TLN2: variants seen among roughly 807,000 people sequenced by gnomAD.
TLN2 encodes the protein talin-2.
Under a neutral mutation model 294.7 loss-of-function variants are expected in TLN2, and 118 were observed. The observed-to-expected ratio is 0.40, with a 90% CI of 0.34 to 0.47. The LOEUF (loss-of-function observed/expected upper bound fraction) is 0.47. TLN2 is among the 20% of genes least tolerant of loss of function. The pLI is 0.84. For missense variants in TLN2, 3,083 were observed against 3,282.2 expected (o/e 0.94, Z 1.48); for synonymous variants, 1,431 against 1,304.5 (o/e 1.10, Z -2.09).
chr15:62,740,855 G>T (rs970232514), intron 32 of TLN2, 86 bp downstream of exon 32: 26 of 1,566,194 alleles, frequency 1.7e-5, no homozygotes, highest in Non-Finnish European at 2.3e-5. Context: ...TCCCACTTTT[G>T]CTGAGCAAAA....
At chr15:62,667,051 C>T (rs940237300) in intron 9 of TLN2, among the ~76,000 whole-genome samples, 4 of 152,096 alleles carry the variant, frequency 2.6e-5, no homozygotes, top group African/African-American at 4.8e-5. Context: ...CTGCAAGCTC[C>T]GCCTCCCGGA....
Position 62,530,943 on chromosome 15 carries a change from T to C in TLN2, c.-237-58744T>C, listed in dbSNP as rs539721441. 2.6e-5 allele frequency among the ~76,000 whole-genome samples: 4 copies of C among 152,378 alleles called. No individual in the cohort carries two copies. The South Asian group carries it at 8.3e-4, about 32-fold the overall frequency. ...TATTAGGTGGTGTTGGGGTCTATTA[T>C]TCATTTGTTAGAGCTCTTAATTAAG... On this transcript the variant is annotated intron_variant, in intron 1 of 58. Coordinates refer to ENST00000636159, the MANE Select transcript of TLN2 (RefSeq NM_015059.3).
intron 25 of TLN2, among the ~76,000 whole-genome samples, chr15:62,721,719 A>G (rs1021377326): frequency 2.0e-5 from 3 of 152,338 alleles, no homozygotes; most frequent in African/African-American, 7.2e-5. Flanking sequence ...TTATCATAGC[A>G]TTGTTTATTA....
chr15:62,832,565 G>A (rs1164314796), intron 54 of TLN2: 2 of 152,218 alleles, frequency 1.3e-5, no homozygotes, highest in Non-Finnish European at 2.9e-5. Context: ...CAAAGGAGAT[G>A]GTGGTGAATT....
chr15:62,707,826 A>G (rs989930832), intron 20 of TLN2, among the ~76,000 whole-genome samples: 2 of 151,756 alleles, frequency 1.3e-5, no homozygotes, highest in African/African-American at 4.8e-5. Context: ...TAGAGTTACA[A>G]CTCAAGTCCA....
chr15:62,708,889 G>A (rs529149267), intron 21 of TLN2, 93 bp downstream of exon 21: 86 of 1,419,540 alleles, frequency 6.1e-5, no homozygotes, highest in African/African-American at 7.1e-5. Flanking sequence ...CTGCCTGGAT[G>A]ACTGGCAAGG....
intron 1 of TLN2, among the ~76,000 whole-genome samples, chr15:62,433,506 G>T (rs1458780197): frequency 6.6e-6 from 1 of 152,014 alleles, no homozygotes; most frequent in Non-Finnish European, 1.5e-5. Flanking sequence ...CAATCTCAGG[G>T]GTGTGAATTC....
At position 62,762,362 on chromosome 15, in the gene TLN2, A is replaced by G. The variant is rs776134627; in HGVS notation, c.4870A>G (p.Ile1624Val). ...YLIRTARSLA[I>V]NPKDPPTWSV... ...CATTCGCACTGCACGCTCTCTGGCCATCAACCCCAAAGACCCACCCACCTG... is the reference window on the plus strand; with the variant it reads ...CATTCGCACTGCACGCTCTCTGGCCGTCAACCCCAAAGACCCACCCACCTG... Residue 1624 changes from isoleucine (I) to valine (V), a missense_variant, in exon 39 of 59, where the codon ATC becomes GTC. Physicochemically the swap from Ile to Val is conservative, Grantham distance 29. Coordinates refer to ENST00000636159, the MANE Select transcript of TLN2 (RefSeq NM_015059.3). The G allele has an allele frequency of 1.2e-5, 20 of 1,614,222 alleles. No homozygotes were observed. Among genetic ancestry groups the G allele is most frequent in the Non-Finnish European group, 1.5e-5 (18 of 1,180,040 alleles).
chr15:62,467,538 C>A (rs1019501708), intron 1 of TLN2, among the ~76,000 whole-genome samples: 7 of 151,928 alleles, frequency 4.6e-5, no homozygotes, highest in African/African-American at 1.7e-4. Flanking sequence ...ACTAAAAATA[C>A]GAAATTAGCC....
chr15:62,841,009 TAG>T lies in TLN2; in HGVS notation c.*401_*402del, dbSNP rs1271201290. ...ATAGGGAAAAAAATCATTGACGTCATAGAATATTCTTCTTCCTCTCAGGAGAA... is the reference window on the plus strand; with the variant it reads ...ATAGGGAAAAAAATCATTGACGTCATAATATTCTTCTTCCTCTCAGGAGAA... On this transcript the variant is annotated 3_prime_UTR_variant, in exon 59 of 59. Coordinates refer to ENST00000636159, the MANE Select transcript of TLN2 (RefSeq NM_015059.3). 1 of 156,148 alleles carries T rather than the reference TAG, an allele frequency of 6.4e-6. No homozygotes were observed. The highest frequency in any genetic ancestry group is 1.4e-5 in the Non-Finnish European group (1 of 70,544). The allele number at this position is 156,148 out of a possible 1,614,324, so 9.7% of individuals were successfully genotyped here. A position where few individuals can be genotyped will look rare whatever the true frequency, so the allele number is the denominator to read the frequency against.
At position 62,825,772 on chromosome 15, in the gene TLN2, A is replaced by T. The variant is rs1357544613; in HGVS notation, c.7002+5162A>T. 3.8e-3 allele frequency among the ~76,000 whole-genome samples: 126 copies of T among 33,328 alleles called. 11 individuals carry two copies. The highest frequency in any genetic ancestry group is 0.012 in the African/African-American group (122 of 9,808). The allele number at this position is 33,328 out of a possible 152,430, so 21.9% of individuals were successfully genotyped here. ...TTAAATATAATTATAATTATATATT[A>T]TATAATATATTATATATTATAATAT... is the stretch of plus-strand genomic sequence containing the variant. On this transcript the variant is annotated intron_variant, in intron 54 of 58. Coordinates refer to ENST00000636159, the MANE Select transcript of TLN2 (RefSeq NM_015059.3).
intron 48 of TLN2, among the ~76,000 whole-genome samples, chr15:62,798,173 C>G (rs933263882): frequency 1.2e-4 from 18 of 152,054 alleles, no homozygotes; most frequent in African/African-American, 4.1e-4. Flanking sequence ...GGGGCAGCAG[C>G]CAGATGGGGG....
chr15:62,446,415 CCTA>C (rs1363931889), intron 1 of TLN2, among the ~76,000 whole-genome samples: 1 of 152,172 alleles, frequency 6.6e-6, no homozygotes, highest in Non-Finnish European at 1.5e-5. Flanking sequence ...ATGCCTCTGT[CCTA>C]CTGCCTGTGG....
intron 1 of TLN2, among the ~76,000 whole-genome samples, chr15:62,583,679 G>A (rs1443645408): frequency 2.6e-5 from 4 of 152,176 alleles, no homozygotes; most frequent in Non-Finnish European, 4.4e-5. Flanking sequence ...GGTAGTAGTA[G>A]TATGTTTAAG....
intron 37 of TLN2, chr15:62,758,737 T>C (rs2062468381): frequency 6.6e-6 from 1 of 152,216 alleles, no homozygotes. Context: ...AAAAGGCTGT[T>C]GGGCTTTTTA....
At chr15:62,394,294 C>T (rs1384281871) in intron 1 of TLN2, among the ~76,000 whole-genome samples, 2 of 152,056 alleles carry the variant, frequency 1.3e-5, no homozygotes, top group African/African-American at 4.8e-5. Context: ...CATTATTGCT[C>T]CAGAACTTTT....
intron 1 of TLN2, among the ~76,000 whole-genome samples, chr15:62,486,620 T>A (rs1470767399): frequency 6.6e-6 from 1 of 152,130 alleles, no homozygotes; most frequent in Non-Finnish European, 1.5e-5. Context: ...GTTTGCATCC[T>A]TCTCAGTCCA....
At chr15:62,675,076 C>A (rs2056010482) in intron 10 of TLN2, 141 bp from the exon 11 acceptor site, 2 of 729,286 alleles carry the variant, frequency 2.7e-6, no homozygotes, top group East Asian at 5.4e-5. Context: ...TTGCCTGTGT[C>A]ATGGAGGGGT....
chr15:62,577,544 A>G (rs999249838), intron 1 of TLN2, among the ~76,000 whole-genome samples: 1 of 152,240 alleles, frequency 6.6e-6, no homozygotes, highest in East Asian at 1.9e-4. Context: ...ACTTGCTTCA[A>G]TATAATCTCC....
Sources: gnomAD v4.1 joint callset for allele counts (sites outside exome capture counted in the v4.1 genomes callset) on GRCh38, gnomAD v4.1.1 for gene constraint, MANE v1.5 for transcripts, NCBI Gene and HGNC (gene_info 2026-07-23, HGNC 2026-07-21) for gene names.